The following ATP2B1 variants were observed in gnomAD, a reference collection of about 807,000 sequenced individuals.
The protein encoded by ATP2B1 is ATPase plasma membrane Ca2+ transporting 1.
Under a neutral mutation model 124.2 loss-of-function variants are expected in ATP2B1, and 14 were observed. The ratio of observed to expected loss-of-function variants is 0.11; its 90% CI spans 0.07 to 0.18. ATP2B1 has a LOEUF of 0.18. Ranked by LOEUF, ATP2B1 falls within the 10% of genes least tolerant of loss-of-function variation. The pLI, the probability that ATP2B1 is intolerant of heterozygous loss-of-function variation, is 1.00. For synonymous variants in ATP2B1, 449 were observed against 492.4 expected (o/e 0.91, Z 1.17); for missense variants, 763 against 1,466.1 (o/e 0.52, Z 7.83).
At chr12:89,706,732 T>C (rs1892496020) in intron 1 of ATP2B1, among the ~76,000 whole-genome samples, 1 of 152,186 alleles carries the variant, frequency 6.6e-6, no homozygotes, top group Admixed American at 6.5e-5. Flanking sequence ...GTACCCCGAA[T>C]TTTCACCATT....
At chr12:89,694,319 A>T (rs1436738586) in intron 1 of ATP2B1, among the ~76,000 whole-genome samples, 2 of 152,162 alleles carry the variant, frequency 1.3e-5, no homozygotes, top group Admixed American at 6.5e-5. Context: ...CCCCAATGCC[A>T]CTATAATCTA....
chr12:89,668,028 T>C (rs564651131), intron 1 of ATP2B1, among the ~76,000 whole-genome samples: 181 of 152,306 alleles, frequency 1.2e-3, no homozygotes, highest in Non-Finnish European at 1.9e-3. Flanking sequence ...CTTCACTGTC[T>C]AGGATACACC....
In ATP2B1 at chr12:89,632,667, G is replaced by C. The variant is rs571614868; in HGVS notation, c.788-2022C>G. Among the ~76,000 whole-genome samples the C allele has an allele frequency of 5.9e-5, 9 of 152,226 alleles. No homozygotes were observed. The South Asian group carries it at 1.9e-3, about 32-fold the overall frequency. ...TAAAAATCTAAACTTAAGAAGCCAAGAACAGCAGTCAGAGATGGCATCATG... is the reference window on the plus strand; with the variant it reads ...TAAAAATCTAAACTTAAGAAGCCAACAACAGCAGTCAGAGATGGCATCATG... On this transcript the variant is annotated intron_variant, in intron 5 of 20. Coordinates refer to ENST00000428670, the MANE Select transcript of ATP2B1 (RefSeq NM_001366521.1).
At chr12:89,674,606 T>C (rs932831857) in intron 1 of ATP2B1, among the ~76,000 whole-genome samples, 2 of 152,192 alleles carry the variant, frequency 1.3e-5, no homozygotes, top group Admixed American at 6.5e-5. Flanking sequence ...ATGGTAACAA[T>C]AGCTAACATT....
intron 9 of ATP2B1, 149 bp from the exon 10 acceptor site, chr12:89,621,940 T>A: frequency 1.3e-6 from 1 of 764,934 alleles, no homozygotes; most frequent in Admixed American, 4.2e-5. Context: ...ATACTGAAAT[T>A]TTTTTTTTTT....
intron 1 of ATP2B1, among the ~76,000 whole-genome samples, chr12:89,696,733 T>C (rs1891179754): frequency 6.6e-6 from 1 of 152,234 alleles, no homozygotes. Context: ...TTTTAGGGTA[T>C]TCATAGCCCT....
intron 1 of ATP2B1, among the ~76,000 whole-genome samples, chr12:89,657,539 G>T (rs1017977973): frequency 6.6e-6 from 1 of 152,172 alleles, no homozygotes; most frequent in African/African-American, 2.4e-5. Flanking sequence ...AACTAGAAAA[G>T]ATTAGAATGG....
chr12:89,613,881 G>T (rs1245298511), intron 12 of ATP2B1, among the ~76,000 whole-genome samples: 1 of 152,106 alleles, frequency 6.6e-6, no homozygotes, highest in African/African-American at 2.4e-5. Context: ...ATAAAAACTG[G>T]ATTTGTTCTA....
intron 1 of ATP2B1, among the ~76,000 whole-genome samples, chr12:89,680,202 C>G (rs1175593661): frequency 6.6e-6 from 1 of 152,116 alleles, no homozygotes; most frequent in African/African-American, 2.4e-5. Flanking sequence ...GATGAACATT[C>G]TCTCCACAAA....
intron 2 of ATP2B1, among the ~76,000 whole-genome samples, chr12:89,644,615 G>C (rs1298984052): frequency 6.6e-6 from 1 of 151,852 alleles, no homozygotes; most frequent in African/African-American, 2.4e-5. Context: ...TCAATAGAAA[G>C]CAAGGCAGCA....
intron 1 of ATP2B1, among the ~76,000 whole-genome samples, chr12:89,689,510 T>C (rs11105371): frequency 6.6e-6 from 1 of 152,102 alleles, no homozygotes; most frequent in East Asian, 1.9e-4. Flanking sequence ...TAAAATGGCG[T>C]TTCCATCTGG....
Position 89,642,357 on chromosome 12 carries a change from T to TA in ATP2B1, c.209-3dup, listed in dbSNP as rs1389212329. On this transcript the variant is annotated splice_region_variant and splice_polypyrimidine_tract_variant and intron_variant, in intron 2 of 20. Transcript: ENST00000428670. ...AATCTGCAGGGTTTCCACTTAAACC[T>TA]AATAAAAAGAAACAAATTTCAGTGA... 4.4e-6 allele frequency: 7 copies of TA among 1,598,764 alleles called. No homozygotes were observed. Among genetic ancestry groups the TA allele is most frequent in the Non-Finnish European group, 8.5e-7 (1 of 1,175,546 alleles).
chr12:89,646,107 G>GTTTTTTT (rs1884416724), intron 2 of ATP2B1, among the ~76,000 whole-genome samples: 1 of 151,628 alleles, frequency 6.6e-6, no homozygotes, highest in Non-Finnish European at 1.5e-5. Flanking sequence ...TTTTGCGAGG[G>GTTTTTTT]GGAGGGGTCT....
At chr12:89,677,755 C>T (rs1003367231) in intron 1 of ATP2B1, among the ~76,000 whole-genome samples, 6 of 151,734 alleles carry the variant, frequency 4.0e-5, no homozygotes, top group Non-Finnish European at 1.5e-5. Flanking sequence ...ATTCAGAATT[C>T]CACCAGTAGT....
intron 9 of ATP2B1, among the ~76,000 whole-genome samples, chr12:89,622,038 A>T (rs1020990713): frequency 6.6e-6 from 1 of 151,964 alleles, no homozygotes. Flanking sequence ...AACATAACCT[A>T]GTGAATCAAT....
chr12:89,700,540 G>C (rs1485297602), intron 1 of ATP2B1, among the ~76,000 whole-genome samples: 1 of 152,190 alleles, frequency 6.6e-6, no homozygotes, highest in African/African-American at 2.4e-5. Flanking sequence ...CTTAGTATTA[G>C]AGGTACTAAA....
chr12:89,610,394 T>C (rs1225451074), intron 14 of ATP2B1, 27 bp downstream of exon 14: 3 of 1,574,852 alleles, frequency 1.9e-6, no homozygotes, highest in Non-Finnish European at 2.6e-6. Flanking sequence ...ATTAAGAAAT[T>C]GTGAAATAAC....
At chr12:89,679,924 G>C (rs1889129121) in intron 1 of ATP2B1, among the ~76,000 whole-genome samples, 1 of 152,078 alleles carries the variant, frequency 6.6e-6, no homozygotes, top group Admixed American at 6.6e-5. Flanking sequence ...GAAGGGAGGT[G>C]TCCCTTGGAG....
At chr12:89,654,002 C>T (rs1186129960) in intron 2 of ATP2B1, among the ~76,000 whole-genome samples, 1 of 152,138 alleles carries the variant, frequency 6.6e-6, no homozygotes, top group Admixed American at 6.5e-5. Context: ...ATATTGAGGG[C>T]TCCTTAATGT....
Sources: gnomAD v4.1 joint callset for allele counts (sites outside exome capture counted in the v4.1 genomes callset) on GRCh38, gnomAD v4.1.1 for gene constraint, MANE v1.5 for transcripts, NCBI Gene and HGNC (gene_info 2026-07-23, HGNC 2026-07-21) for gene names.